Variants in TNNI3K observed in about 807,000 individuals in gnomAD.
The protein encoded by TNNI3K is TNNI3 interacting kinase.
Under a neutral mutation model 114.5 loss-of-function variants are expected in TNNI3K, and 140 were observed. The observed-to-expected ratio is 1.22, with a 90% CI of 1.07 to 1.41. The LOEUF (loss-of-function observed/expected upper bound fraction) is 1.41, where lower values mean the gene tolerates loss of function less well. Ranked by LOEUF, TNNI3K falls within the 40% of genes most tolerant of loss-of-function variation. The pLI is 0.00. For synonymous variants in TNNI3K, 347 were observed against 347.5 expected (o/e 1.00, Z 0.02); for missense variants, 1,125 against 1,007.6 (o/e 1.12, Z -1.58).
At chr1:74,498,278 C>G (rs1285220592) in intron 23 of TNNI3K, among the ~76,000 whole-genome samples, 2 of 152,094 alleles carry the variant, frequency 1.3e-5, no homozygotes, top group Non-Finnish European at 2.9e-5. Context: ...AAAATATTAA[C>G]CAGCCTTCAG....
At chr1:74,402,872 T>C (rs1664439821) in intron 17 of TNNI3K, among the ~76,000 whole-genome samples, 1 of 152,176 alleles carries the variant, frequency 6.6e-6, no homozygotes, top group African/African-American at 2.4e-5. Flanking sequence ...TATGAGTTTT[T>C]ATTTTTTTTT....
chr1:74,357,117 C>T (rs896289816), intron 11 of TNNI3K, among the ~76,000 whole-genome samples: 13 of 152,146 alleles, frequency 8.5e-5, no homozygotes, highest in African/African-American at 3.1e-4. Context: ...AAGTGCTTCC[C>T]TGCCTCCTTG....
intron 23 of TNNI3K, among the ~76,000 whole-genome samples, chr1:74,505,878 T>C (rs1353709568): frequency 6.6e-6 from 1 of 152,260 alleles, no homozygotes; most frequent in Non-Finnish European, 1.5e-5. Flanking sequence ...TTTTTATTAA[T>C]GTGCAGATGT....
rs1646645147 is a variant in TNNI3K at position 74,535,216 on chromosome 1, C to A, written c.2352-5018C>A. On this transcript the variant is annotated intron_variant, in intron 23 of 24. Transcript: ENST00000326637. ...GAATCATAGAATTCTGTGGCTCACA[C>A]CTGTAATCCAAGCACTTTGGGAGGT... 2.6e-5 allele frequency among the ~76,000 whole-genome samples: 4 copies of A among 152,130 alleles called. No homozygotes were observed. In the South Asian group the frequency reaches 8.3e-4, roughly 31 times the overall value.
intron 23 of TNNI3K, among the ~76,000 whole-genome samples, chr1:74,519,537 A>G (rs1204177321): frequency 6.6e-6 from 1 of 151,404 alleles, no homozygotes; most frequent in East Asian, 1.9e-4. Context: ...CATCCTCTCC[A>G]GCACCTGTTG....
intron 11 of TNNI3K, among the ~76,000 whole-genome samples, chr1:74,359,021 T>A (rs1268030570): frequency 6.6e-6 from 1 of 152,022 alleles, no homozygotes; most frequent in Non-Finnish European, 1.5e-5. Flanking sequence ...TTAGGGCTGC[T>A]AAGTCACACT....
rs185606139 is a variant in TNNI3K, at chr1:74,323,329, C to G, written c.445-8121C>G. Among the ~76,000 whole-genome samples the G allele has an allele frequency of 1.0e-3, 155 of 152,276 alleles. 1 individual carries two copies. Among genetic ancestry groups the G allele is most frequent in the African/African-American group, 3.6e-3 (150 of 41,536 alleles). ...GTTTAAACTTAAGTGTTTTTCCTTA[C>G]AAGCTGTAAACCTCTGAGCTTCACT... On this transcript the variant is annotated intron_variant, in intron 5 of 24. Coordinates refer to ENST00000326637, the MANE Select transcript of TNNI3K (RefSeq NM_015978.3).
intron 17 of TNNI3K, among the ~76,000 whole-genome samples, chr1:74,404,565 C>A (rs1314528322): frequency 6.6e-6 from 1 of 152,112 alleles, no homozygotes; most frequent in East Asian, 1.9e-4. Context: ...CTGGACTTCA[C>A]TCCTGAGTTT....
chr1:74,375,739 T>C, intron 17 of TNNI3K: 1 of 370,798 alleles, frequency 2.7e-6, no homozygotes, highest in Non-Finnish European at 5.6e-6. Context: ...CACCAAGTTT[T>C]CCTTAAAACC....
intron 21 of TNNI3K, chr1:74,471,482 C>T (rs776430408): frequency 1.7e-5 from 7 of 400,402 alleles, no homozygotes; most frequent in Non-Finnish European, 3.1e-5. Flanking sequence ...AAGTTTTGTC[C>T]TTTAATTTTC....
chr1:74,242,162 A>G (rs1461916524), intron 2 of TNNI3K, among the ~76,000 whole-genome samples: 3 of 152,018 alleles, frequency 2.0e-5, no homozygotes, highest in African/African-American at 7.2e-5. Context: ...AAAAGTTGTA[A>G]TTTTTAAACA....
At chr1:74,353,644 C>CA (rs35082255) in intron 10 of TNNI3K, among the ~76,000 whole-genome samples, 7,860 of 134,094 alleles carry the variant, frequency 0.059, 705 homozygotes, top group African/African-American at 0.22. Context: ...ATTTGGTGAT[C>CA]AAAAAAAAAA....
In TNNI3K at chr1:74,425,355, A is replaced by T. The variant is rs182171010; in HGVS notation, c.1773-10725A>T. Among the ~76,000 whole-genome samples, 8 of 152,242 alleles carry T rather than the reference A, an allele frequency of 5.3e-5. No homozygotes were observed. The East Asian group carries it at 1.6e-3, about 30-fold the overall frequency. ...AATATATAGAAAACCTGTAGATAAG[A>T]ATTTTCCTGGAGTAACACTAAAAGG... On this transcript the variant is annotated intron_variant, in intron 17 of 24. Transcript: ENST00000326637.
At chr1:74,317,902 C>T (rs1025909767) in intron 5 of TNNI3K, among the ~76,000 whole-genome samples, 2 of 152,156 alleles carry the variant, frequency 1.3e-5, no homozygotes, top group African/African-American at 4.8e-5. Context: ...CAGGGGAACC[C>T]CCTGCATATC....
intron 23 of TNNI3K, among the ~76,000 whole-genome samples, chr1:74,496,892 A>G (rs912896631): frequency 2.0e-5 from 3 of 152,146 alleles, no homozygotes; most frequent in Non-Finnish European, 2.9e-5. Flanking sequence ...CTGATACACA[A>G]CCTTTCAGAT....
At chr1:74,456,936 A>T (rs1219812909) in intron 20 of TNNI3K, among the ~76,000 whole-genome samples, 3 of 152,200 alleles carry the variant, frequency 2.0e-5, no homozygotes, top group Non-Finnish European at 4.4e-5. Context: ...AGACACAGAT[A>T]TTCAATAGGT....
chr1:74,363,896 T>C (rs2100505859), intron 11 of TNNI3K, among the ~76,000 whole-genome samples: 1 of 133,806 alleles, frequency 7.5e-6, no homozygotes, highest in South Asian at 2.6e-4. Flanking sequence ...TTAGACAGTG[T>C]GAAGGGAGGA....
chr1:74,367,524 C>T (rs1216989474), intron 12 of TNNI3K, among the ~76,000 whole-genome samples, 182 bp downstream of exon 12: 2 of 151,878 alleles, frequency 1.3e-5, no homozygotes, highest in African/African-American at 2.4e-5. Flanking sequence ...GCCTCCATTT[C>T]AGCTATTTTC....
At chr1:74,289,364 A>G (rs553165108) in intron 5 of TNNI3K, among the ~76,000 whole-genome samples, 1 of 152,114 alleles carries the variant, frequency 6.6e-6, no homozygotes, top group African/African-American at 2.4e-5. Flanking sequence ...TTGACCATTT[A>G]AAGTATAAAA....
Sources: gnomAD v4.1 joint callset for allele counts (sites outside exome capture counted in the v4.1 genomes callset) on GRCh38, gnomAD v4.1.1 for gene constraint, MANE v1.5 for transcripts, NCBI Gene and HGNC (gene_info 2026-07-23, HGNC 2026-07-21) for gene names.